The following SEC22A variants were observed in gnomAD, a reference collection of about 807,000 sequenced individuals.
SEC22A encodes SEC22 homolog A, vesicle trafficking protein.
SEC22A carries 22 observed loss-of-function variants against 35.3 expected under a neutral mutation model. The ratio of observed to expected loss-of-function variants is 0.62; its 90% CI spans 0.45 to 0.89. The LOEUF is 0.89. Ranked by LOEUF, SEC22A falls within the 40% of genes least tolerant of loss-of-function variation. SEC22A has a pLI of 0.00. For synonymous variants in SEC22A, 119 were observed against 129.5 expected (o/e 0.92, Z 0.55); for missense variants, 354 against 362.5 (o/e 0.98, Z 0.19).
At chr3:123,203,799 G>GT (rs1936800324) in intron 1 of SEC22A, among the ~76,000 whole-genome samples, 1 of 152,138 alleles carries the variant, frequency 6.6e-6, no homozygotes, top group South Asian at 2.1e-4. Context: ...TAAAATGGTG[G>GT]TTTTACCTAC....
At chr3:123,222,461 A>T (rs1438906140) in intron 2 of SEC22A, among the ~76,000 whole-genome samples, 1 of 152,046 alleles carries the variant, frequency 6.6e-6, no homozygotes, top group African/African-American at 2.4e-5. Context: ...GGCCTCCCAA[A>T]GTGCTGGGAT....
intron 4 of SEC22A, among the ~76,000 whole-genome samples, chr3:123,239,010 A>C (rs1937478453): frequency 6.6e-6 from 1 of 152,158 alleles, no homozygotes; most frequent in African/African-American, 2.4e-5. Context: ...CTGTACTTCT[A>C]CCTACTCCCC....
chr3:123,232,067 C>T (rs1937334953), intron 4 of SEC22A, among the ~76,000 whole-genome samples: 1 of 152,022 alleles, frequency 6.6e-6, no homozygotes, highest in Non-Finnish European at 1.5e-5. Context: ...AGCAAAACCC[C>T]ATTTCTACTA....
intron 4 of SEC22A, among the ~76,000 whole-genome samples, chr3:123,239,402 C>G (rs928041805): frequency 1.3e-5 from 2 of 152,060 alleles, no homozygotes; most frequent in East Asian, 3.9e-4. Context: ...CCCATTAACT[C>G]GTCATTTAGC....
chr3:123,260,936 C>T (rs972878539), intron 6 of SEC22A, among the ~76,000 whole-genome samples: 16 of 151,284 alleles, frequency 1.1e-4, no homozygotes, highest in Middle Eastern at 3.2e-3. Flanking sequence ...CCCAGGTTCA[C>T]GGCATTCTCC....
At chr3:123,229,653 G>A (rs1194927063) in intron 4 of SEC22A, among the ~76,000 whole-genome samples, 1 of 152,074 alleles carries the variant, frequency 6.6e-6, no homozygotes, top group Non-Finnish European at 1.5e-5. Context: ...CACGAGGTCA[G>A]GAGTTCAAGA....
rs975547831 is a variant in SEC22A, at chr3:123,253,970, TAAATA to T, written c.658-5545_658-5541del. Among the ~76,000 whole-genome samples the T allele has an allele frequency of 1.1e-4, 16 of 151,504 alleles. No individual in the cohort carries two copies. The East Asian group carries it at 2.5e-3, about 24-fold the overall frequency. On this transcript the variant is annotated intron_variant, in intron 5 of 6. Coordinates refer to ENST00000492595, the MANE Select transcript of SEC22A (RefSeq NM_012430.5). ...AGAAAGAAAATAAAAAAGTTATAAA[TAAATA>T]AAATAAAAATAACAAAAAAGAGTTG...
chr3:123,235,605 T>C (rs1343634521), intron 4 of SEC22A, among the ~76,000 whole-genome samples: 1 of 152,218 alleles, frequency 6.6e-6, no homozygotes, highest in African/African-American at 2.4e-5. Context: ...ATGCAGTCAC[T>C]TTGGAAAACA....
intron 6 of SEC22A, among the ~76,000 whole-genome samples, chr3:123,271,073 A>T (rs182876107): frequency 1.3e-5 from 2 of 152,274 alleles, no homozygotes; most frequent in Admixed American, 1.3e-4. Flanking sequence ...GCGACTAGTA[A>T]AATGTTGTGG....
At chr3:123,240,753 T>G (rs942852543) in intron 4 of SEC22A, among the ~76,000 whole-genome samples, 10 of 152,286 alleles carry the variant, frequency 6.6e-5, no homozygotes, top group Non-Finnish European at 1.0e-4. Context: ...GCATTTTGAT[T>G]ACTCAACATC....
In SEC22A at chr3:123,272,078, C is replaced by T. The variant is rs538025622; in HGVS notation, c.*356C>T. ...TGAGGACCAGGCAGGAGGAACTCTACAACCTGAGTTTGCCTTTGTGAGGCA... is the reference window on the plus strand; with the variant it reads ...TGAGGACCAGGCAGGAGGAACTCTATAACCTGAGTTTGCCTTTGTGAGGCA... On this transcript the variant is annotated 3_prime_UTR_variant, in exon 7 of 7. Coordinates refer to ENST00000492595, the MANE Select transcript of SEC22A (RefSeq NM_012430.5). The T allele has an allele frequency of 4.1e-6, 1 of 241,326 alleles. No individual in the cohort carries two copies. Among genetic ancestry groups the T allele is most frequent in the South Asian group, 8.3e-5 (1 of 12,008 alleles). The allele number at this position is 241,326 out of a possible 1,614,324, so 14.9% of individuals were successfully genotyped here.
At chr3:123,213,054 G>A (rs1305918033) in intron 2 of SEC22A, among the ~76,000 whole-genome samples, 3 of 152,118 alleles carry the variant, frequency 2.0e-5, no homozygotes, top group Admixed American at 6.6e-5. Flanking sequence ...GTCTAATCTG[G>A]TCTAGTTCAA....
chr3:123,261,153 T>C (rs1287815840), intron 6 of SEC22A, among the ~76,000 whole-genome samples: 1 of 152,190 alleles, frequency 6.6e-6, no homozygotes, highest in African/African-American at 2.4e-5. Context: ...TGCTTGATTT[T>C]CTTAACCATT....
At chr3:123,253,145 G>C (rs1019517456) in intron 5 of SEC22A, among the ~76,000 whole-genome samples, 2 of 152,104 alleles carry the variant, frequency 1.3e-5, no homozygotes, top group Non-Finnish European at 2.9e-5. Context: ...TAGAAATGCT[G>C]ACCTGGAAGT....
rs1273883289 is a variant in SEC22A at position 123,265,764 on chromosome 3, A to G, written c.724-5758A>G. On this transcript the variant is annotated intron_variant, in intron 6 of 6. Coordinates refer to ENST00000492595, the MANE Select transcript of SEC22A (RefSeq NM_012430.5). ...AGCTTCAACCAAGGTTCCTTTGTCT[A>G]TATTGCTCCAGCACCATCCATGGCA... Among the ~76,000 whole-genome samples the G allele has an allele frequency of 3.9e-5, 6 of 152,148 alleles. 1 individual carries two copies. The highest frequency in any genetic ancestry group is 7.4e-5 in the Non-Finnish European group (5 of 68,026).
At position 123,252,768 on chromosome 3, in the gene SEC22A, A is replaced by G. The variant is rs149011398; in HGVS notation, c.657+6754A>G. 1.9e-3 allele frequency among the ~76,000 whole-genome samples: 293 copies of G among 152,344 alleles called. 1 individual carries two copies. The highest frequency in any genetic ancestry group is 6.9e-3 in the African/African-American group (285 of 41,590). Reference sequence around the variant, plus strand: ...TTTCTTCCAGATTATTAACTGCCTCACAGGGTGATAGCAAGGGATTTATTC... The same window carrying G: ...TTTCTTCCAGATTATTAACTGCCTCGCAGGGTGATAGCAAGGGATTTATTC... On this transcript the variant is annotated intron_variant, in intron 5 of 6. Coordinates refer to ENST00000492595, the MANE Select transcript of SEC22A (RefSeq NM_012430.5).
At chr3:123,205,078 G>A (rs1337832537) in intron 1 of SEC22A, among the ~76,000 whole-genome samples, 5 of 152,018 alleles carry the variant, frequency 3.3e-5, no homozygotes, top group Non-Finnish European at 7.4e-5. Flanking sequence ...TTATGAATCC[G>A]TGGTAAAAAG....
chr3:123,223,754 C>T (rs79564605), intron 3 of SEC22A, 32 bp downstream of exon 3: 29,652 of 1,529,186 alleles, frequency 0.019, 367 homozygotes, highest in Non-Finnish European at 0.022. Context: ...CCTTTTTATT[C>T]TGTCTGCATC....
In SEC22A at chr3:123,271,708, G is replaced by A. The variant is rs763566783; in HGVS notation, c.910G>A (p.Asp304Asn). 1.6e-5 allele frequency: 26 copies of A among 1,613,810 alleles called. No homozygotes were observed. Among genetic ancestry groups the A allele is most frequent in the African/African-American group, 1.1e-4 (8 of 74,916 alleles). Residue 304 changes from aspartate (D) to asparagine (N), a missense_variant, in exon 7 of 7, where the codon GAT becomes AAT. Coordinates refer to ENST00000492595, the MANE Select transcript of SEC22A (RefSeq NM_012430.5). Reference sequence around the variant, plus strand: ...AAGGCAAGCCCAGGGCAAGGCTCCCGATTATGATGTCTGACACCATCCTTC... The same window carrying A: ...AAGGCAAGCCCAGGGCAAGGCTCCCAATTATGATGTCTGACACCATCCTTC... The part of the protein sequence containing the change: ...WLRQAQGKAP[D>N]YDV
Sources: allele counts gnomAD v4.1 joint callset (sites outside exome capture counted in the v4.1 genomes callset), GRCh38; gene constraint gnomAD v4.1.1; transcripts MANE v1.5; gene names NCBI Gene and HGNC (gene_info 2026-07-23, HGNC 2026-07-21).